The following JCAD variants were observed in gnomAD, a reference collection of about 807,000 sequenced individuals.
JCAD encodes the protein junctional cadherin 5-associated protein.
JCAD carries 40 observed loss-of-function variants against 98.0 expected under a neutral mutation model. That is an observed-to-expected ratio of 0.41 (90% CI 0.32 to 0.53). The LOEUF (loss-of-function observed/expected upper bound fraction) is 0.53. Ranked by LOEUF, JCAD falls within the 20% of genes least tolerant of loss-of-function variation. The pLI, the probability that JCAD is intolerant of heterozygous loss-of-function variation, is 0.31. For missense variants in JCAD, 1,705 were observed against 1,738.1 expected (o/e 0.98, Z 0.34); for synonymous variants, 691 against 682.3 (o/e 1.01, Z -0.20).
chr10:30,044,244 T>G (rs1306378162), intron 2 of JCAD, among the ~76,000 whole-genome samples: 2 of 152,178 alleles, frequency 1.3e-5, no homozygotes, highest in Non-Finnish European at 2.9e-5. Context: ...ATGAATGCAA[T>G]GTTCTTCAGT....
chr10:30,105,672 T>A (rs1286954300), intron 1 of JCAD, among the ~76,000 whole-genome samples: 2 of 152,138 alleles, frequency 1.3e-5, no homozygotes, highest in Non-Finnish European at 1.5e-5. Flanking sequence ...TTGCATGTAC[T>A]GAAATAATGC....
upstream of JCAD, chr10:30,059,595 G>C (rs1837662424): frequency 7.7e-6 from 1 of 129,218 alleles, no homozygotes; most frequent in African/African-American, 4.6e-5. The surrounding 1 kb of genome is among the most constrained non-coding windows in gnomAD (Gnocchi z 5.0). Flanking sequence ...CCGGAGAACC[G>C]CCGTCCGCCC....
chr10:30,111,021 C>A (rs986694013), intron 1 of JCAD, among the ~76,000 whole-genome samples: 25 of 152,040 alleles, frequency 1.6e-4, no homozygotes, highest in Non-Finnish European at 7.4e-5. Context: ...ATGTATGGGG[C>A]AGCTGATGTA....
chr10:30,062,837 G>A (rs1156959817), upstream of JCAD, among the ~76,000 whole-genome samples: 1 of 152,162 alleles, frequency 6.6e-6, no homozygotes, highest in Non-Finnish European at 1.5e-5. Context: ...CAACACGTAA[G>A]GACTATTACA....
intron 1 of JCAD, among the ~76,000 whole-genome samples, chr10:30,058,508 A>C (rs1273974455): frequency 6.6e-6 from 1 of 152,100 alleles, no homozygotes; most frequent in East Asian, 1.9e-4. Flanking sequence ...TCTCGTTTTT[A>C]TTTTCTTCTT....
At chr10:30,048,560 C>T (rs1366577388) in intron 1 of JCAD, among the ~76,000 whole-genome samples, 7 of 151,310 alleles carry the variant, frequency 4.6e-5, no homozygotes, top group Non-Finnish European at 1.0e-4. Context: ...TTCTCTTTTC[C>T]TTATGAAAGT....
chr10:30,021,168 A>G (rs1018516670), intron 3 of JCAD, among the ~76,000 whole-genome samples: 2 of 152,210 alleles, frequency 1.3e-5, no homozygotes, highest in Non-Finnish European at 2.9e-5. Flanking sequence ...CTCATGGACT[A>G]TCCAGGTCCA....
At chr10:30,025,961 A>C in intron 3 of JCAD, 142 bp downstream of exon 3, 1 of 936,272 alleles carries the variant, frequency 1.1e-6, no homozygotes, top group Non-Finnish European at 1.6e-6. Context: ...GAAAATGAGG[A>C]ATCTTTTGAT....
Position 30,016,098 on chromosome 10 carries a change from G to A in JCAD, c.*1785C>T, listed in dbSNP as rs900939871. 5 of 152,168 alleles carry A rather than the reference G, an allele frequency of 3.3e-5. No individual in the cohort carries two copies. The highest frequency in any genetic ancestry group is 7.2e-5 in the African/African-American group (3 of 41,442). 9.4% of individuals were successfully genotyped at this position (152,168 alleles called of 1,614,324 possible). ...AAGGCTTGGAAAGATTTTTCGGGGC[G>A]ACTTAGGTTCTGTTTTGTTTGTTAC... On this transcript the variant is annotated 3_prime_UTR_variant, in exon 4 of 4. Coordinates refer to ENST00000375377, the MANE Select transcript of JCAD (RefSeq NM_020848.4).
chr10:30,031,271 C>T (rs1045408931), intron 2 of JCAD, among the ~76,000 whole-genome samples: 7 of 151,924 alleles, frequency 4.6e-5, no homozygotes, highest in Non-Finnish European at 1.0e-4. Context: ...GGACTGACTA[C>T]AGGCACTCCA....
intron 1 of JCAD, among the ~76,000 whole-genome samples, chr10:30,090,536 G>T (rs1228537972): frequency 7.0e-6 from 1 of 142,074 alleles, no homozygotes; most frequent in Non-Finnish European, 1.5e-5. Flanking sequence ...GTGAGACTCT[G>T]TCTCAGGAAA....
intron 1 of JCAD, among the ~76,000 whole-genome samples, chr10:30,085,144 A>G (rs1266148266): frequency 3.3e-5 from 5 of 152,104 alleles, no homozygotes; most frequent in African/African-American, 1.2e-4. Context: ...TTATGAACTC[A>G]GGTTTGGTGT....
chr10:30,095,960 C>T (rs1371447064), intron 1 of JCAD, among the ~76,000 whole-genome samples: 4 of 152,152 alleles, frequency 2.6e-5, no homozygotes, highest in African/African-American at 4.8e-5. Flanking sequence ...TTCAGTAAGG[C>T]GGAACTTCTC....
chr10:30,092,337 A>G (rs929787117), intron 1 of JCAD, among the ~76,000 whole-genome samples: 1 of 151,288 alleles, frequency 6.6e-6, no homozygotes, highest in African/African-American at 2.4e-5. Flanking sequence ...ACTGAGGACA[A>G]ATATTCTCAT....
Position 30,092,102 on chromosome 10 carries a change from ATATAT to A in JCAD, n.129-22286_129-22282del, listed in dbSNP as rs1564469977. ...ATATATATATATAAAGTTACTTTATATATATATATATATATATATATATAAAAAAC... is the reference window on the plus strand; with the variant it reads ...ATATATATATATAAAGTTACTTTATAATATATATATATATATATAAAAAAC... On this transcript the variant is annotated intron_variant and non_coding_transcript_variant, in intron 1 of 2. Coordinates refer to the JCAD transcript ENST00000465712. Among the ~76,000 whole-genome samples, 386 of 103,952 alleles carry A rather than the reference ATATAT, an allele frequency of 3.7e-3. 17 individuals carry two copies. Among genetic ancestry groups the A allele is most frequent in the African/African-American group, 0.017 (376 of 22,734 alleles). 68.2% of individuals were successfully genotyped at this position (103,952 alleles called of 152,430 possible).
intron 1 of JCAD, among the ~76,000 whole-genome samples, chr10:30,102,080 G>A (rs1049856773): frequency 2.6e-5 from 4 of 152,090 alleles, no homozygotes; most frequent in African/African-American, 9.7e-5. Context: ...AATTTTCTGT[G>A]GCTCTAGACG....
chr10:30,060,462 C>T (rs2132659818), upstream of JCAD, among the ~76,000 whole-genome samples: 1 of 152,296 alleles, frequency 6.6e-6, no homozygotes, highest in East Asian at 1.9e-4. Context: ...CTGCCTGGGT[C>T]TGCTCAGGGC....
rs942958615 is a variant in JCAD at position 30,027,361 on chromosome 10, A to G, written c.2787T>C (p.Pro929=). Residue 929 remains proline (P), a synonymous_variant, in exon 3 of 4, where the codon CCT becomes CCC. Transcript: ENST00000375377. ...ELQPGHPRAW[P]PSPGRFRVEE... is the part of the protein sequence containing the mutation. Reference sequence around the variant, plus strand: ...CCACGCGAAAGCGGCCCGGGGATGGAGGCCAGGCACGTGGGTGGCCAGGCT... The same window carrying G: ...CCACGCGAAAGCGGCCCGGGGATGGGGGCCAGGCACGTGGGTGGCCAGGCT... 3 of 1,610,638 alleles carry G rather than the reference A, an allele frequency of 1.9e-6. No individual in the cohort carries two copies. Among genetic ancestry groups the G allele is most frequent in the Non-Finnish European group, 2.5e-6 (3 of 1,180,014 alleles).
At chr10:30,060,473 G>T (rs1204394042), upstream of JCAD, among the ~76,000 whole-genome samples, 6 of 152,158 alleles carry the variant, frequency 3.9e-5, no homozygotes, top group Non-Finnish European at 2.9e-5. Flanking sequence ...TGCTCAGGGC[G>T]AACGTTTTCA....
Sources: gnomAD v4.1 joint callset for allele counts (sites outside exome capture counted in the v4.1 genomes callset) on GRCh38, gnomAD v4.1.1 for gene constraint, Gnocchi (gnomAD v3.1) non-coding constraint, MANE v1.5 for transcripts, NCBI Gene and HGNC (gene_info 2026-07-23, HGNC 2026-07-21) for gene names.